Variants in ROBO2 observed in about 807,000 individuals in gnomAD.
ROBO2 encodes the protein roundabout homolog 2.
A neutral mutation model predicts 160.8 loss-of-function variants in ROBO2; 53 were observed. The ratio of observed to expected loss-of-function variants is 0.33; its 90% CI spans 0.26 to 0.41. ROBO2 has a LOEUF of 0.41. Ranked by LOEUF, ROBO2 falls within the 10% of genes least tolerant of loss-of-function variation. ROBO2 has a pLI of 1.00. For missense variants in ROBO2, 1,577 were observed against 1,722.4 expected (o/e 0.92, Z 1.49); for synonymous variants, 664 against 611.7 (o/e 1.09, Z -1.26).
chr3:77,181,795 A>G (rs1046695710), intron 2 of ROBO2, among the ~76,000 whole-genome samples: 3 of 152,106 alleles, frequency 2.0e-5, no homozygotes, highest in Non-Finnish European at 4.4e-5. Context: ...ATATTTAATT[A>G]TAGTGAAAAT....
chr3:77,495,179 G>A (rs1446406406), intron 5 of ROBO2, among the ~76,000 whole-genome samples: 1 of 152,154 alleles, frequency 6.6e-6, no homozygotes, highest in African/African-American at 2.4e-5. Flanking sequence ...TAATTCTATA[G>A]TAAAATTTAT....
At chr3:77,197,215 TCA>T (rs2082390913) in intron 2 of ROBO2, among the ~76,000 whole-genome samples, 2 of 152,200 alleles carry the variant, frequency 1.3e-5, no homozygotes, top group Admixed American at 6.5e-5. Context: ...AGCTGAAATT[TCA>T]CACCTTTCAT....
At position 76,970,375 on chromosome 3, in the gene ROBO2, G is replaced by T. The variant is rs538905789; in HGVS notation, c.110-127639G>T. 2.0e-5 allele frequency among the ~76,000 whole-genome samples: 3 copies of T among 152,272 alleles called. No homozygotes were observed. The South Asian group carries it at 6.2e-4, about 32-fold the overall frequency. On this transcript the variant is annotated intron_variant, in intron 2 of 26. Coordinates refer to the ROBO2 transcript ENST00000487694. Reference sequence around the variant, plus strand: ...ATTTAAAGAAAGAAAATTACCAGGAGATAATTTTAGCCAGAGTTCACTTAT... The same window carrying T: ...ATTTAAAGAAAGAAAATTACCAGGATATAATTTTAGCCAGAGTTCACTTAT...
chr3:76,900,986 A>G (rs1209655449), intron 2 of ROBO2, among the ~76,000 whole-genome samples: 1 of 152,210 alleles, frequency 6.6e-6, no homozygotes, highest in Non-Finnish European at 1.5e-5. Flanking sequence ...ATTGCTTAGG[A>G]ATAAATTAAA....
At chr3:77,016,590 A>T (rs568701260) in intron 2 of ROBO2, among the ~76,000 whole-genome samples, 84 of 152,296 alleles carry the variant, frequency 5.5e-4, no homozygotes, top group African/African-American at 1.9e-3. Flanking sequence ...CCAGTATTTG[A>T]ACTCTTTAAT....
intron 2 of ROBO2, among the ~76,000 whole-genome samples, chr3:77,175,417 G>A (rs1161827746): frequency 2.6e-5 from 4 of 152,010 alleles, no homozygotes; most frequent in African/African-American, 7.2e-5. Flanking sequence ...GAATGATAAT[G>A]TAGAGGTCCT....
At chr3:77,127,548 A>AT (rs144483300) in intron 2 of ROBO2, among the ~76,000 whole-genome samples, 6,515 of 152,206 alleles carry the variant, frequency 0.043, 467 homozygotes, top group African/African-American at 0.15. Flanking sequence ...GGCTAATTCT[A>AT]TTTTTTTAAG....
At chr3:76,364,803 T>C (rs1219871860) in intron 2 of ROBO2, among the ~76,000 whole-genome samples, 1 of 152,076 alleles carries the variant, frequency 6.6e-6, no homozygotes, top group Non-Finnish European at 1.5e-5. Flanking sequence ...TTAATAATAC[T>C]TTTCTTCTTT....
chr3:76,681,616 G>C (rs1463107478), intron 2 of ROBO2, among the ~76,000 whole-genome samples: 3 of 152,142 alleles, frequency 2.0e-5, no homozygotes, highest in Non-Finnish European at 4.4e-5. Flanking sequence ...ATGTGAAGGG[G>C]TATGGTGTGG....
rs1182786373 is a variant in ROBO2 at position 77,252,807 on chromosome 3, C to CAA, written c.388+154491_388+154492dup. On this transcript the variant is annotated intron_variant, in intron 2 of 25. Transcript: ENST00000461745. ...TGGGCAGCAGAGCAAGACTCCATCT[C>CAA]AAAAAAAAAAAAAAAAAAAAAAAAA... Among the ~76,000 whole-genome samples, 21 of 32,054 alleles carry CAA rather than the reference C, an allele frequency of 6.6e-4. 1 individual carries two copies. The highest frequency in any genetic ancestry group is 3.0e-3 in the South Asian group (2 of 662). 21.0% of individuals were successfully genotyped at this position (32,054 alleles called of 152,430 possible). A position where few individuals can be genotyped will look rare whatever the true frequency, so the allele number is the denominator to read the frequency against.
rs879062322 is a variant in ROBO2 at position 76,434,476 on chromosome 3, T to C, written c.109+496874T>C. 5.8e-6 allele frequency: 9 copies of C among 1,550,040 alleles called. No individual in the cohort carries two copies. In the East Asian group the frequency reaches 1.3e-4, roughly 23 times the overall value. On this transcript the variant is annotated intron_variant, in intron 2 of 26. Transcript: ENST00000487694. ...CTTATGTGAAAGAAATGAATGATGC[T>C]GCCATGTTTTATACAAACCGAGTCC...
rs150351541 is a variant in ROBO2 at position 76,198,150 on chromosome 3, C to T, written c.109+260548C>T. Among the ~76,000 whole-genome samples, 510 of 152,062 alleles carry T rather than the reference C, an allele frequency of 3.4e-3. 4 individuals carry two copies. The highest frequency in any genetic ancestry group is 0.025 in the Admixed American group (387 of 15,254). ...GATCAGACATACCTCATCACACCCT[C>T]TTCCCTCAGGACATGGTGGGAAGGG... is the stretch of plus-strand genomic sequence containing the variant. On this transcript the variant is annotated intron_variant, in intron 2 of 26. Coordinates refer to the ROBO2 transcript ENST00000487694.
chr3:77,272,473 C>A (rs1050930852), intron 2 of ROBO2, among the ~76,000 whole-genome samples: 1 of 151,996 alleles, frequency 6.6e-6, no homozygotes, highest in African/African-American at 2.4e-5. Flanking sequence ...CTCACTATCA[C>A]AAGAACAGCA....
rs1339876299 is a variant in ROBO2, at chr3:77,079,857, T to C, written c.62-18157T>C. Among the ~76,000 whole-genome samples, 7 of 152,196 alleles carry C rather than the reference T, an allele frequency of 4.6e-5. No individual in the cohort carries two copies. The East Asian group carries it at 1.3e-3, about 29-fold the overall frequency. ...CTCAAGTGAATAAATTAGCACATAG[T>C]TCTGAAATTCAGAAGCTGATTTTAA... On this transcript the variant is annotated intron_variant, in intron 1 of 25. Transcript: ENST00000461745.
intron 2 of ROBO2, among the ~76,000 whole-genome samples, chr3:77,029,181 G>C (rs768278006): frequency 7.2e-5 from 11 of 152,134 alleles, no homozygotes; most frequent in Non-Finnish European, 1.3e-4. Flanking sequence ...TGTGTGGTGT[G>C]TGTGTATGTG....
intron 2 of ROBO2, among the ~76,000 whole-genome samples, chr3:76,803,436 G>A (rs969882551): frequency 7.1e-6 from 1 of 141,492 alleles, no homozygotes; most frequent in Admixed American, 7.0e-5. Flanking sequence ...AAAAGAGGAG[G>A]AAGGATGGAG....
intron 2 of ROBO2, among the ~76,000 whole-genome samples, chr3:77,165,040 C>T (rs1279890520): frequency 6.6e-6 from 1 of 151,764 alleles, no homozygotes; most frequent in Non-Finnish European, 1.5e-5. Flanking sequence ...TCTGCCCGGC[C>T]ACCACCCCGT....
chr3:77,477,147 A>G lies in ROBO2; in HGVS notation c.389-267A>G, dbSNP rs555041144. Among the ~76,000 whole-genome samples, 4 of 152,298 alleles carry G rather than the reference A, an allele frequency of 2.6e-5. No homozygotes were observed. The South Asian group carries it at 6.2e-4, about 24-fold the overall frequency. Reference sequence around the variant, plus strand: ...TTTTTAATTAATCGCAGAACTGTACATGAATATTTCTCATTTTTTTGACTG... The same window carrying G: ...TTTTTAATTAATCGCAGAACTGTACGTGAATATTTCTCATTTTTTTGACTG... On this transcript the variant is annotated intron_variant, in intron 2 of 25. Transcript: ENST00000461745.
At chr3:76,577,098 G>T (rs1018168824) in intron 2 of ROBO2, among the ~76,000 whole-genome samples, 5 of 152,014 alleles carry the variant, frequency 3.3e-5, no homozygotes, top group African/African-American at 1.2e-4. Flanking sequence ...CTCCTGGCTG[G>T]ATTTTTGGTT....
Sources: gnomAD v4.1 joint callset for allele counts (sites outside exome capture counted in the v4.1 genomes callset) on GRCh38, gnomAD v4.1.1 for gene constraint, MANE v1.5 for transcripts, NCBI Gene and HGNC (gene_info 2026-07-23, HGNC 2026-07-21) for gene names.